The following PREX2 variants were observed in gnomAD, a reference collection of about 807,000 sequenced individuals.
PREX2 encodes the protein phosphatidylinositol-3,4,5-trisphosphate dependent Rac exchange factor 2, also known as phosphatidylinositol 3,4,5-trisphosphate-dependent Rac exchanger 2 protein.
In PREX2, 107 loss-of-function variants were observed where a neutral mutation model predicts 203.2. The ratio of observed to expected loss-of-function variants is 0.53; its 90% CI spans 0.45 to 0.62. The LOEUF (loss-of-function observed/expected upper bound fraction) is 0.62, where lower values mean the gene tolerates loss of function less well. Ranked by LOEUF, PREX2 falls within the 20% of genes least tolerant of loss-of-function variation. The pLI, the probability that PREX2 is intolerant of heterozygous loss-of-function variation, is 0.00. For missense variants in PREX2, 1,777 were observed against 1,955.9 expected (o/e 0.91, Z 1.72); for synonymous variants, 672 against 663.6 (o/e 1.01, Z -0.19).
intron 8 of PREX2, among the ~76,000 whole-genome samples, chr8:68,049,147 A>G (rs1384936291): frequency 6.7e-6 from 1 of 148,588 alleles, no homozygotes; most frequent in Admixed American, 6.7e-5. Flanking sequence ...GCCAAAAATA[A>G]TATCATATGC....
intron 35 of PREX2, among the ~76,000 whole-genome samples, chr8:68,177,901 G>T (rs568280476): frequency 5.3e-5 from 8 of 152,214 alleles, no homozygotes; most frequent in African/African-American, 1.9e-4. Context: ...TTGGTTTTCT[G>T]TTCTGGCATT....
chr8:68,231,361 C>G lies in PREX2; in HGVS notation c.4804C>G (p.Pro1602Ala), dbSNP rs751488995. Reference protein sequence around the residue: ...RLYKLCEPPPPAGEE With the variant: ...RLYKLCEPPPAAGEE ...GTACAAGCTGTGCGAGCCACCTCCCCCAGCTGGAGAAGAATGAAAAGAACT... is the reference window on the plus strand; with the variant it reads ...GTACAAGCTGTGCGAGCCACCTCCCGCAGCTGGAGAAGAATGAAAAGAACT... Residue 1602 changes from proline (P) to alanine (A), a missense_variant, in exon 40 of 40, where the codon CCA becomes GCA. Transcript: ENST00000288368. 5.6e-6 allele frequency: 9 copies of G among 1,599,986 alleles called. No individual in the cohort carries two copies. Among genetic ancestry groups the G allele is most frequent in the Admixed American group, 3.5e-5 (2 of 57,580 alleles).
chr8:68,138,745 C>T (rs1173095868), intron 33 of PREX2, among the ~76,000 whole-genome samples: 4 of 152,092 alleles, frequency 2.6e-5, no homozygotes, highest in Non-Finnish European at 5.9e-5. Flanking sequence ...TTACTTTCTG[C>T]AAGTTATCAT....
intron 37 of PREX2, among the ~76,000 whole-genome samples, chr8:68,196,231 T>A (rs752376794): frequency 4.6e-5 from 7 of 151,632 alleles, no homozygotes; most frequent in Non-Finnish European, 1.0e-4. Context: ...TTTGAGTTGA[T>A]CAGATTTTTG....
intron 37 of PREX2, among the ~76,000 whole-genome samples, chr8:68,211,270 A>C (rs1003584935): frequency 6.6e-6 from 1 of 152,240 alleles, no homozygotes; most frequent in Non-Finnish European, 1.5e-5. Context: ...TATAAAACAA[A>C]TATTGGCATA....
rs778026527 is a variant in PREX2 at position 68,192,385 on chromosome 8, G to A, written c.4464G>A (p.Ser1488=). The A allele has an allele frequency of 2.2e-5, 36 of 1,612,860 alleles. No homozygotes were observed. Among genetic ancestry groups the A allele is most frequent in the East Asian group, 4.5e-5 (2 of 44,852 alleles). The change falls in exon 37 of 40, where the codon TCG becomes TCA. Residue 1488 remains serine, a synonymous_variant. Transcript: ENST00000288368. The stretch of plus-strand genomic sequence containing the variant: ...ATGAACTTTACCGACTGGTAGCCTC[G>A]TTTATCAGATCCAAGCGCACAGCTG... The part of the protein sequence containing the change: ...ALDELYRLVA[S]FIRSKRTAAC...
intron 35 of PREX2, among the ~76,000 whole-genome samples, chr8:68,158,121 ATG>A (rs1440713217): frequency 1.7e-5 from 2 of 118,770 alleles, no homozygotes; most frequent in South Asian, 2.5e-4. Context: ...GTGTATATAT[ATG>A]TATATATATA....
At chr8:68,221,172 C>T (rs1006612724) in intron 38 of PREX2, among the ~76,000 whole-genome samples, 2 of 152,194 alleles carry the variant, frequency 1.3e-5, no homozygotes, top group Admixed American at 1.3e-4. Context: ...CAGCTGCATT[C>T]AGGCTGCTGC....
At position 68,108,181 on chromosome 8, in the gene PREX2, A is replaced by C; in HGVS notation, c.2788A>C (p.Ser930Arg). Residue 930 changes from serine to arginine, a missense_variant, in exon 24 of 40, where the codon AGC (serine) becomes CGC (arginine). By Grantham distance (110) the Ser-to-Arg change is moderately radical. Coordinates refer to ENST00000288368, the MANE Select transcript of PREX2 (RefSeq NM_024870.4). ...CAAATCTAAAATCTCCCCACTGCAC[A>C]GCAGTGATTTCTGCCCTACCAACTG... ...QAKSKISPLH[S>R]SDFCPTNCHV... is the part of the protein sequence containing the mutation. 1 of 1,613,888 alleles carries C rather than the reference A, an allele frequency of 6.2e-7. No individual in the cohort carries two copies. Among genetic ancestry groups the C allele is most frequent in the Non-Finnish European group, 8.5e-7 (1 of 1,179,814 alleles).
Position 68,080,827 on chromosome 8 carries a change from T to C in PREX2, c.1867T>C (p.Ser623Pro), listed in dbSNP as rs758499915. The C allele has an allele frequency of 4.7e-6, 7 of 1,484,806 alleles. No individual in the cohort carries two copies. The highest frequency in any genetic ancestry group is 6.5e-6 in the Non-Finnish European group (7 of 1,069,182). 92.0% of individuals were successfully genotyped at this position (1,484,806 alleles called of 1,614,324 possible). Residue 623 changes from serine to proline, a missense_variant, in exon 17 of 40, where the codon TCT becomes CCT. By Grantham distance (74) the Ser-to-Pro change is moderately conservative. Transcript: ENST00000288368. ...VPIIKLVEKGSNAEMAGMEVG... is the reference protein window; with the variant it reads ...VPIIKLVEKGPNAEMAGMEVG... ...AATAATAAAGTTGGTAGAAAAGGGA[T>C]CTAATGCTGAGGTAATGTAAATTAG... is the stretch of plus-strand genomic sequence containing the variant.
At chr8:67,972,074 C>T (rs1300247222) in intron 1 of PREX2, among the ~76,000 whole-genome samples, 1 of 152,204 alleles carries the variant, frequency 6.6e-6, no homozygotes, top group Non-Finnish European at 1.5e-5. Context: ...TGTAAAGCCA[C>T]TTGTTTGATG....
At chr8:68,007,585 A>T (rs1807131388) in intron 1 of PREX2, among the ~76,000 whole-genome samples, 1 of 152,194 alleles carries the variant, frequency 6.6e-6, no homozygotes. Context: ...CAGCAAACGT[A>T]GACATTGACA....
intron 35 of PREX2, among the ~76,000 whole-genome samples, chr8:68,174,524 C>G (rs1277023459): frequency 6.6e-6 from 1 of 152,146 alleles, no homozygotes; most frequent in Admixed American, 6.6e-5. Context: ...ATTTCACTTT[C>G]CTTGGCCAAT....
At chr8:68,175,096 G>A (rs1811952734) in intron 35 of PREX2, among the ~76,000 whole-genome samples, 3 of 152,206 alleles carry the variant, frequency 2.0e-5, no homozygotes, top group African/African-American at 7.2e-5. Context: ...GGATGCCTGA[G>A]ATGCCCGAGG....
At chr8:68,091,565 A>G (rs1251132696) in intron 20 of PREX2, among the ~76,000 whole-genome samples, 1 of 152,190 alleles carries the variant, frequency 6.6e-6, no homozygotes, top group African/African-American at 2.4e-5. Context: ...TGGCCTGCAA[A>G]ATGCTGAATC....
At chr8:68,115,188 C>G (rs374526887) in intron 25 of PREX2, among the ~76,000 whole-genome samples, 1 of 151,858 alleles carries the variant, frequency 6.6e-6, no homozygotes, top group Non-Finnish European at 1.5e-5. Context: ...CCACCACGCC[C>G]GGCTAATTTT....
At chr8:67,983,846 G>A (rs1173104700) in intron 1 of PREX2, among the ~76,000 whole-genome samples, 2 of 152,172 alleles carry the variant, frequency 1.3e-5, no homozygotes, top group African/African-American at 4.8e-5. Flanking sequence ...CTTAATCTCT[G>A]TCTCCTTCCA....
At chr8:68,218,579 T>G (rs1339391868) in intron 38 of PREX2, among the ~76,000 whole-genome samples, 2 of 152,248 alleles carry the variant, frequency 1.3e-5, no homozygotes, top group Non-Finnish European at 1.5e-5. Flanking sequence ...GTGATTTAAT[T>G]TTTAAGATAT....
intron 11 of PREX2, among the ~76,000 whole-genome samples, chr8:68,067,720 C>T (rs1192459458): frequency 6.6e-6 from 1 of 151,926 alleles, no homozygotes; most frequent in Non-Finnish European, 1.5e-5. Context: ...TTCTTTTTCT[C>T]CCCTAATTGC....
Sources: gnomAD v4.1 joint callset for allele counts (sites outside exome capture counted in the v4.1 genomes callset) on GRCh38, gnomAD v4.1.1 for gene constraint, MANE v1.5 for transcripts, NCBI Gene and HGNC (gene_info 2026-07-23, HGNC 2026-07-21) for gene names.